The following CD8B variants were observed in gnomAD, a reference collection of about 807,000 sequenced individuals.
The protein encoded by CD8B is CD8 subunit beta, also known as T-cell surface glycoprotein CD8 beta chain.
In CD8B, 6 loss-of-function variants were observed where a neutral mutation model predicts 24.2. The ratio of observed to expected loss-of-function variants is 0.25; its 90% CI spans 0.14 to 0.49. The LOEUF (loss-of-function observed/expected upper bound fraction) is 0.49, where lower values mean the gene tolerates loss of function less well. Ranked by LOEUF, CD8B falls within the 20% of genes least tolerant of loss-of-function variation. The pLI is 0.98. For synonymous variants in CD8B, 84 were observed against 108.3 expected, an observed-to-expected ratio of 0.78 and a Z score of 1.39; for missense variants, 196 against 271.3, an observed-to-expected ratio of 0.72 and a Z score of 1.95.
chr2:86,846,729 C>T lies in CD8B; in HGVS notation c.538G>A (p.Val180Ile), dbSNP rs2228022. The T allele has an allele frequency of 0.2, 308,811 of 1,582,270 alleles. 31,335 individuals are homozygous for T. Among genetic ancestry groups the T allele is most frequent in the Admixed American group, 0.26 (14,292 of 55,398 alleles). ...PITLGLLVAG[V>I]LVLLVSLGVA... ...CCCAGGGAAACCAGCAGAACCAGGA[C>T]GCCAGCCACCAGCAGGCCAAGGGTG... is the stretch of plus-strand genomic sequence containing the variant. Residue 180 changes from valine to isoleucine, a missense_variant, in exon 4 of 6, where the codon GTC becomes ATC. Physicochemically the swap from Val to Ile is conservative, Grantham distance 29. Coordinates refer to ENST00000390655, the MANE Select transcript of CD8B (RefSeq NM_004931.5).
chr2:86,824,854 C>T (rs1040299704), intron 5 of CD8B, among the ~76,000 whole-genome samples: 4 of 152,174 alleles, frequency 2.6e-5, no homozygotes, highest in East Asian at 1.9e-4. Flanking sequence ...TTAGAACCAC[C>T]GTTTTTAAGG....
Position 86,839,392 on chromosome 2 carries a change from G to A in CD8B, c.*2915C>T, listed in dbSNP as rs1675314377. On this transcript the variant is annotated 3_prime_UTR_variant, in exon 6 of 6. Coordinates refer to ENST00000390655, the MANE Select transcript of CD8B (RefSeq NM_004931.5). The stretch of plus-strand genomic sequence containing the variant: ...TATTTCTTTGTGCATGCCACTTTTT[G>A]ATGTATTTCTTTCAGATAAATGCCA... 2.0e-5 allele frequency among the ~76,000 whole-genome samples: 3 copies of A among 152,202 alleles called. No individual in the cohort carries two copies. Among genetic ancestry groups the A allele is most frequent in the Non-Finnish European group, 2.9e-5 (2 of 68,026 alleles).
At position 86,840,699 on chromosome 2, in the gene CD8B, T is replaced by G. The variant is rs1426233772; in HGVS notation, c.*1608A>C. ...TTCTTCCTTTTGCTGCTTTTATTCC[T>G]TTATTACTTTGTATGTTTTGTTCAG... On this transcript the variant is annotated 3_prime_UTR_variant, in exon 6 of 6. Coordinates refer to ENST00000390655, the MANE Select transcript of CD8B (RefSeq NM_004931.5). Among the ~76,000 whole-genome samples the G allele has an allele frequency of 6.6e-6, 1 of 152,216 alleles. No homozygotes were observed. Among genetic ancestry groups the G allele is most frequent in the Non-Finnish European group, 1.5e-5 (1 of 68,034 alleles).
At chr2:86,821,843 T>C in intron 5 of CD8B, 1 of 319,262 alleles carries the variant, frequency 3.1e-6, no homozygotes, top group Admixed American at 3.2e-5. Context: ...TCCACCCTTC[T>C]CTTCCCCCTG....
downstream of CD8B, among the ~76,000 whole-genome samples, chr2:86,837,191 G>A (rs957150394): frequency 2.0e-5 from 3 of 152,144 alleles, no homozygotes; most frequent in African/African-American, 7.2e-5. Flanking sequence ...GAATGGACAT[G>A]GTTTCCTTTC....
chr2:86,815,746 C>T (rs1674216369), intron 5 of CD8B: 2 of 1,168,228 alleles, frequency 1.7e-6, no homozygotes, highest in Non-Finnish European at 2.6e-6. Context: ...AAGAGAGTCT[C>T]AATACATGCA....
intron 2 of CD8B, among the ~76,000 whole-genome samples, chr2:86,857,366 C>T (rs1009452563): frequency 6.6e-6 from 1 of 152,170 alleles, no homozygotes; most frequent in Non-Finnish European, 1.5e-5. Context: ...CCAATCCAGC[C>T]GTAGCTTTGA....
chr2:86,849,861 G>A (rs1242265651), intron 3 of CD8B, among the ~76,000 whole-genome samples: 1 of 151,938 alleles, frequency 6.6e-6, no homozygotes, highest in Non-Finnish European at 1.5e-5. Flanking sequence ...CCACCACAAT[G>A]CCCAGCTAAT....
intron 5 of CD8B, among the ~76,000 whole-genome samples, chr2:86,819,532 T>G (rs1456085870): frequency 6.6e-6 from 1 of 152,240 alleles, no homozygotes; most frequent in Non-Finnish European, 1.5e-5. Flanking sequence ...TAGCAAAGCC[T>G]GGATGACAGC....
intron 4 of CD8B, 131 bp from the exon 5 acceptor site, chr2:86,845,089 C>A: frequency 2.3e-6 from 3 of 1,276,756 alleles, no homozygotes; most frequent in East Asian, 2.5e-5. Flanking sequence ...GACCCTGGCC[C>A]AAACACTTTA....
chr2:86,848,723 T>TATTTATTTATTTATTG (rs1675818779), intron 3 of CD8B, among the ~76,000 whole-genome samples: 1 of 103,800 alleles, frequency 9.6e-6, no homozygotes. Flanking sequence ...TTTATTTATT[T>TATTTATTTATTTATTG]ATTTATTTTT....
rs78641019 is a variant in CD8B, at chr2:86,826,565, A to G, written c.621-10847T>C. Among the ~76,000 whole-genome samples, 296 of 152,296 alleles carry G rather than the reference A, an allele frequency of 1.9e-3. 3 individuals carry two copies. Among genetic ancestry groups the G allele is most frequent in the African/African-American group, 6.9e-3 (285 of 41,564 alleles). ...ATCACCTGAGCCCTGTCACTTGGAAAGAACCCTAACGACCATCTTAATCCT... is the reference window on the plus strand; with the variant it reads ...ATCACCTGAGCCCTGTCACTTGGAAGGAACCCTAACGACCATCTTAATCCT... On this transcript the variant is annotated intron_variant, in intron 5 of 5. Transcript: ENST00000331469.
chr2:86,849,551 A>G (rs1367127889), intron 3 of CD8B, among the ~76,000 whole-genome samples: 2 of 152,072 alleles, frequency 1.3e-5, no homozygotes, highest in Non-Finnish European at 2.9e-5. Flanking sequence ...AGCTGTGAAC[A>G]AGCACAGGGA....
downstream of CD8B, among the ~76,000 whole-genome samples, chr2:86,834,733 G>A (rs1477965339): frequency 1.3e-5 from 2 of 152,044 alleles, no homozygotes; most frequent in Middle Eastern, 3.2e-3. Context: ...TCAGGAGTTC[G>A]AGACCAGCCT....
chr2:86,859,089 C>T (rs535261319), intron 1 of CD8B, among the ~76,000 whole-genome samples: 13 of 152,114 alleles, frequency 8.5e-5, no homozygotes, highest in East Asian at 3.9e-4. Context: ...TACAGCCCTT[C>T]GGTAGGCTCC....
rs1188334022 is a variant in CD8B at position 86,841,580 on chromosome 2, C to T, written c.*727G>A. On this transcript the variant is annotated 3_prime_UTR_variant, in exon 6 of 6. Coordinates refer to ENST00000390655, the MANE Select transcript of CD8B (RefSeq NM_004931.5). The stretch of plus-strand genomic sequence containing the variant: ...TTTCGCACGTTTATGTCACAGGAGC[C>T]GTTTGTTATCTTTAACCTGGGACTT... 10 of 985,100 alleles carry T rather than the reference C, an allele frequency of 1.0e-5. No homozygotes were observed. The highest frequency in any genetic ancestry group is 1.1e-5 in the Non-Finnish European group (9 of 829,828). 61.0% of individuals were successfully genotyped at this position (985,100 alleles called of 1,614,324 possible).
chr2:86,851,620 A>G (rs1340096539), intron 3 of CD8B, among the ~76,000 whole-genome samples: 2 of 152,152 alleles, frequency 1.3e-5, no homozygotes, highest in Non-Finnish European at 2.9e-5. Context: ...GCCGTCCTCA[A>G]TAATTTCTGG....
intron 5 of CD8B, among the ~76,000 whole-genome samples, chr2:86,823,231 T>G (rs1674544870): frequency 6.6e-6 from 1 of 152,162 alleles, no homozygotes; most frequent in South Asian, 2.1e-4. Flanking sequence ...AGAATCATAC[T>G]GTATTTACCT....
At chr2:86,826,364 C>A (rs889157880) in intron 5 of CD8B, among the ~76,000 whole-genome samples, 2 of 152,188 alleles carry the variant, frequency 1.3e-5, no homozygotes, top group Non-Finnish European at 2.9e-5. Context: ...CAGTGGCTTT[C>A]TTGCAAATGG....
Sources: gnomAD v4.1 joint callset for allele counts (sites outside exome capture counted in the v4.1 genomes callset) on GRCh38, gnomAD v4.1.1 for gene constraint, MANE v1.5 for transcripts, NCBI Gene and HGNC (gene_info 2026-07-23, HGNC 2026-07-21) for gene names.